COL23A1: variants seen among roughly 807,000 people sequenced by gnomAD.
The protein encoded by COL23A1 is collagen alpha-1(XXIII) chain.
A neutral mutation model predicts 99.3 loss-of-function variants in COL23A1; 97 were observed. The observed-to-expected ratio is 0.98, with a 90% confidence interval of 0.83 to 1.16. The LOEUF (loss-of-function observed/expected upper bound fraction) is 1.16, where lower values mean the gene tolerates loss of function less well. Ranked by LOEUF, COL23A1 falls within the 50% of genes most tolerant of loss-of-function variation. The probability of loss-of-function intolerance (pLI) is 0.00; values close to 1 mark genes in which losing one functional copy is unlikely to be tolerated. For missense variants in COL23A1, 762 were observed against 757.4 expected (o/e 1.01, Z -0.07); for synonymous variants, 320 against 308.2 (o/e 1.04, Z -0.40).
intron 2 of COL23A1, among the ~76,000 whole-genome samples, chr5:178,507,121 C>T (rs570278117): frequency 1.3e-5 from 2 of 152,196 alleles, no homozygotes; most frequent in African/African-American, 4.8e-5. Context: ...AATATGTAGA[C>T]ACACTCCTAT....
intron 3 of COL23A1, among the ~76,000 whole-genome samples, chr5:178,296,694 C>T (rs142786229): frequency 4.9e-4 from 74 of 152,040 alleles, no homozygotes; most frequent in African/African-American, 1.8e-3. Flanking sequence ...TCCCGTAGGA[C>T]CCTAAACCCA....
At chr5:178,343,417 G>A (rs1038773629) in intron 2 of COL23A1, among the ~76,000 whole-genome samples, 1 of 152,028 alleles carries the variant, frequency 6.6e-6, no homozygotes, top group African/African-American at 2.4e-5. Flanking sequence ...GAAAAGGCAG[G>A]GGACAAGCTG....
Position 178,420,432 on chromosome 5 carries a change from C to T in COL23A1, c.362-113513G>A, listed in dbSNP as rs1238297669. On this transcript the variant is annotated intron_variant, in intron 2 of 28. Coordinates refer to ENST00000390654, the MANE Select transcript of COL23A1 (RefSeq NM_173465.4). ...AGATGTGACCTCCCTTCTCCCCTCC[C>T]CCGCTCTTTCCTCCTCCCCTCCCCA... is the stretch of plus-strand genomic sequence containing the variant. Among the ~76,000 whole-genome samples, 9 of 99,690 alleles carry T rather than the reference C, an allele frequency of 9.0e-5. No homozygotes were observed. The East Asian group carries it at 2.3e-3, about 26-fold the overall frequency. The allele number at this position is 99,690 out of a possible 152,430, so 65.4% of individuals were successfully genotyped here. A position where few individuals can be genotyped will look rare whatever the true frequency, so the allele number is the denominator to read the frequency against.
In COL23A1 at chr5:178,351,657, G is replaced by A. The variant is rs556227041; in HGVS notation, c.362-44738C>T. Among the ~76,000 whole-genome samples, 9 of 152,274 alleles carry A rather than the reference G, an allele frequency of 5.9e-5. No homozygotes were observed. In the East Asian group the frequency reaches 1.5e-3, roughly 26 times the overall value. ...GGTTTGGGGTCATCTGGGGATCTCA[G>A]ATTGGATCCTGCTGGGGACAGTGCT... is the stretch of plus-strand genomic sequence containing the variant. On this transcript the variant is annotated intron_variant, in intron 2 of 28. Transcript: ENST00000390654.
chr5:178,328,618 T>C (rs1295590758), intron 2 of COL23A1, among the ~76,000 whole-genome samples: 1 of 152,212 alleles, frequency 6.6e-6, no homozygotes, highest in Non-Finnish European at 1.5e-5. Flanking sequence ...AAAACTATGC[T>C]TCAGAAAGGA....
At chr5:178,353,103 G>T (rs565581349) in intron 2 of COL23A1, among the ~76,000 whole-genome samples, 1 of 152,308 alleles carries the variant, frequency 6.6e-6, no homozygotes, top group East Asian at 1.9e-4. Context: ...TGTATGAGGA[G>T]AATCACTGCA....
At chr5:178,358,206 CGTGT>C (rs201827822) in intron 2 of COL23A1, among the ~76,000 whole-genome samples, 3 of 104,764 alleles carry the variant, frequency 2.9e-5, no homozygotes, top group Admixed American at 9.9e-5. Flanking sequence ...TGCATGTGTA[CGTGT>C]GTATGTGTGT....
Position 178,468,734 on chromosome 5 carries a change from TAAAA to T in COL23A1, c.361+91944_361+91947del, listed in dbSNP as rs1034848450. ...TTTATAAATTCCCAACTTTTCAAATTAAAAAAAGTATTGTGGTAAAATATGCATA... is the reference window on the plus strand; with the variant it reads ...TTTATAAATTCCCAACTTTTCAAATTAAAGTATTGTGGTAAAATATGCATA... On this transcript the variant is annotated intron_variant, in intron 2 of 28. Coordinates refer to ENST00000390654, the MANE Select transcript of COL23A1 (RefSeq NM_173465.4). The surrounding 1 kb of genome is among the most constrained non-coding windows in gnomAD (Gnocchi z 4.2). 4.6e-5 allele frequency among the ~76,000 whole-genome samples: 7 copies of T among 152,186 alleles called. No individual in the cohort carries two copies. Among genetic ancestry groups the T allele is most frequent in the Non-Finnish European group, 8.8e-5 (6 of 68,022 alleles).
intron 3 of COL23A1, among the ~76,000 whole-genome samples, chr5:178,303,421 G>A (rs1758177677): frequency 6.6e-6 from 1 of 152,204 alleles, no homozygotes; most frequent in Non-Finnish European, 1.5e-5. Flanking sequence ...CTTGGGCTGT[G>A]GCAAAACTTC....
Position 178,468,308 on chromosome 5 carries a change from A to G in COL23A1, c.361+92374T>C, listed in dbSNP as rs909747786. Among the ~76,000 whole-genome samples the G allele has an allele frequency of 1.3e-5, 2 of 152,048 alleles. No homozygotes were observed. Among genetic ancestry groups the G allele is most frequent in the African/African-American group, 4.8e-5 (2 of 41,430 alleles). ...GGAAGGTCTAAATCCAAGCTCATTA[A>G]TAGGCCAGAGGGTGAGAGAGAACAC... On this transcript the variant is annotated intron_variant, in intron 2 of 28. Coordinates refer to ENST00000390654, the MANE Select transcript of COL23A1 (RefSeq NM_173465.4). This position sits in a 1 kb window ranked among gnomAD's most constrained non-coding sequence, Gnocchi z 4.2.
intron 1 of COL23A1, among the ~76,000 whole-genome samples, chr5:178,585,354 C>A (rs920567398): frequency 6.6e-6 from 1 of 151,022 alleles, no homozygotes; most frequent in East Asian, 2.0e-4. Flanking sequence ...TCAGGTAACA[C>A]TCTATGGCCC....
chr5:178,460,822 A>G (rs973608083), intron 2 of COL23A1, among the ~76,000 whole-genome samples: 1 of 152,136 alleles, frequency 6.6e-6, no homozygotes, highest in Non-Finnish European at 1.5e-5. Flanking sequence ...GGACAAAAAT[A>G]AAAAAACAAG....
intron 5 of COL23A1, among the ~76,000 whole-genome samples, chr5:178,277,664 G>A (rs1236000608): frequency 2.3e-4 from 35 of 152,210 alleles, no homozygotes; most frequent in Admixed American, 2.3e-3. Flanking sequence ...TTCTATTTTG[G>A]GGAGAGGACC....
At chr5:178,361,517 C>T (rs527896079) in intron 2 of COL23A1, among the ~76,000 whole-genome samples, 74 of 152,006 alleles carry the variant, frequency 4.9e-4, no homozygotes, top group South Asian at 8.3e-4. Context: ...CTGCGGGCTC[C>T]ACCTCCCTCC....
In COL23A1 at chr5:178,238,506, C is replaced by CCTGGT; in HGVS notation, c.*187_*191dup. On this transcript the variant is annotated 3_prime_UTR_variant, in exon 29 of 29. Transcript: ENST00000390654. ...AGGGTGCCCCTCAGGTACACATCTC[C>CCTGGT]CTGGTCTGGCCTGTCCACTTTCCGG... is the stretch of plus-strand genomic sequence containing the variant. 1.5e-6 allele frequency: 1 copy of CCTGGT among 682,774 alleles called. No homozygotes were observed. The highest frequency in any genetic ancestry group is 1.8e-5 in the African/African-American group (1 of 55,292). The allele number at this position is 682,774 out of a possible 1,614,324, so 42.3% of individuals were successfully genotyped here. A position where few individuals can be genotyped will look rare whatever the true frequency, so the allele number is the denominator to read the frequency against.
intron 2 of COL23A1, among the ~76,000 whole-genome samples, chr5:178,430,866 T>C (rs1481053111): frequency 1.3e-5 from 2 of 151,886 alleles, no homozygotes; most frequent in African/African-American, 4.8e-5. Flanking sequence ...CAGAGGTAGG[T>C]GAGTCCCTAC....
intron 25 of COL23A1, among the ~76,000 whole-genome samples, chr5:178,245,424 T>C (rs1171976026): frequency 1.3e-5 from 2 of 148,936 alleles, no homozygotes; most frequent in African/African-American, 5.0e-5. Context: ...CATTCAATCC[T>C]CCATCCATTC....
At chr5:178,332,958 T>G (rs566931104) in intron 2 of COL23A1, among the ~76,000 whole-genome samples, 9 of 152,154 alleles carry the variant, frequency 5.9e-5, no homozygotes, top group East Asian at 3.9e-4. Context: ...GTTTGTTTTT[T>G]TTTGTTTGTT....
chr5:178,554,677 C>T (rs1365722493), intron 2 of COL23A1, among the ~76,000 whole-genome samples: 1 of 152,076 alleles, frequency 6.6e-6, no homozygotes, highest in Non-Finnish European at 1.5e-5. Flanking sequence ...TCTGGTATTG[C>T]CAACCCTCCC....
Sources: allele counts gnomAD v4.1 joint callset (sites outside exome capture counted in the v4.1 genomes callset), GRCh38; gene constraint gnomAD v4.1.1; non-coding constraint Gnocchi (gnomAD v3.1); transcripts MANE v1.5; gene names NCBI Gene and HGNC (gene_info 2026-07-23, HGNC 2026-07-21).